JAM3: variants seen among roughly 807,000 people sequenced by gnomAD.
The protein encoded by JAM3 is junctional adhesion molecule C.
JAM3 carries 31 observed loss-of-function variants against 39.4 expected under a neutral mutation model. That is an observed-to-expected ratio of 0.79 (90% CI 0.59 to 1.06). The LOEUF (loss-of-function observed/expected upper bound fraction) is 1.06. JAM3 is among the 50% of genes least tolerant of loss of function. JAM3 has a pLI of 0.00. For synonymous variants in JAM3, 182 were observed against 148.7 expected, an observed-to-expected ratio of 1.22 and a Z score of -1.63; for missense variants, 455 against 391.4, an observed-to-expected ratio of 1.16 and a Z score of -1.37.
chr11:134,091,840 T>TG (rs1489756866), intron 1 of JAM3, among the ~76,000 whole-genome samples: 1 of 149,874 alleles, frequency 6.7e-6, no homozygotes, highest in African/African-American at 2.5e-5. Context: ...GTGTGGGTTT[T>TG]TTTTTTTTTT....
chr11:134,111,470 C>G (rs1420326567), intron 1 of JAM3, among the ~76,000 whole-genome samples: 1 of 152,012 alleles, frequency 6.6e-6, no homozygotes, highest in East Asian at 1.9e-4. Flanking sequence ...CCATTATGCA[C>G]AATCATAAGG....
intron 1 of JAM3, among the ~76,000 whole-genome samples, chr11:134,130,942 G>A (rs951420193): frequency 6.6e-6 from 1 of 152,196 alleles, no homozygotes; most frequent in African/African-American, 2.4e-5. Flanking sequence ...ACCTACAGAC[G>A]CCTGAAGAGA....
chr11:134,085,245 T>G (rs1941729114), intron 1 of JAM3, among the ~76,000 whole-genome samples: 1 of 152,176 alleles, frequency 6.6e-6, no homozygotes, highest in Admixed American at 6.6e-5. Context: ...CAGTGGTCCT[T>G]AAAACTCTGC....
At chr11:134,101,592 T>C (rs943620951) in intron 1 of JAM3, among the ~76,000 whole-genome samples, 3 of 152,230 alleles carry the variant, frequency 2.0e-5, no homozygotes, top group African/African-American at 7.2e-5. Flanking sequence ...AAGTGTCCAC[T>C]AGAAAATAGA....
At chr11:134,086,722 A>G (rs1941751088) in intron 1 of JAM3, among the ~76,000 whole-genome samples, 1 of 152,182 alleles carries the variant, frequency 6.6e-6, no homozygotes, top group African/African-American at 2.4e-5. Context: ...TGCCACGTAA[A>G]TAGATAGGGC....
chr11:134,107,374 C>T (rs1220168406), intron 1 of JAM3, among the ~76,000 whole-genome samples: 2 of 152,084 alleles, frequency 1.3e-5, no homozygotes, highest in African/African-American at 4.8e-5. Flanking sequence ...GGAGATATAC[C>T]TAATGTAAAT....
intron 1 of JAM3, among the ~76,000 whole-genome samples, chr11:134,123,584 G>A (rs993421633): frequency 6.6e-6 from 1 of 152,232 alleles, no homozygotes; most frequent in Non-Finnish European, 1.5e-5. Flanking sequence ...AAAACTAGGA[G>A]CAAAATCATC....
chr11:134,125,552 G>T (rs1411304787), intron 1 of JAM3, among the ~76,000 whole-genome samples: 1 of 152,152 alleles, frequency 6.6e-6, no homozygotes, highest in East Asian at 1.9e-4. Flanking sequence ...CCCAGCTTCT[G>T]GTTTTTACTT....
chr11:134,076,431 G>C (rs1044318252), intron 1 of JAM3, among the ~76,000 whole-genome samples: 1 of 152,048 alleles, frequency 6.6e-6, no homozygotes, highest in African/African-American at 2.4e-5. Flanking sequence ...CTGGATCACA[G>C]GTGTGAGCCA....
At position 134,149,138 on chromosome 11, in the gene JAM3, C is replaced by T. The variant is rs201224599; in HGVS notation, c.898-8C>T. 1.9e-5 allele frequency: 31 copies of T among 1,613,890 alleles called. No individual in the cohort carries two copies. The highest frequency in any genetic ancestry group is 2.6e-5 in the Non-Finnish European group (31 of 1,179,888). On this transcript the variant is annotated splice_polypyrimidine_tract_variant and splice_region_variant and intron_variant, in intron 8 of 8. Transcript: ENST00000299106. Reference sequence around the variant, plus strand: ...CTTGATGGCTCTAACTGTGTGTTGGCTTTGCAGGGCGACTTCAGACACAAG... The same window carrying T: ...CTTGATGGCTCTAACTGTGTGTTGGTTTTGCAGGGCGACTTCAGACACAAG...
At chr11:134,146,181 A>G in intron 6 of JAM3, 136 bp downstream of exon 6, 1 of 717,324 alleles carries the variant, frequency 1.4e-6, no homozygotes, top group East Asian at 2.7e-5. Context: ...TAGGTCCACC[A>G]GAACCCACTG....
At chr11:134,119,835 T>C (rs1055229070) in intron 1 of JAM3, among the ~76,000 whole-genome samples, 5 of 152,236 alleles carry the variant, frequency 3.3e-5, no homozygotes, top group African/African-American at 1.2e-4. Context: ...AATTCCATGA[T>C]ACTTGGTTGG....
chr11:134,149,496 C>T lies in JAM3; in HGVS notation c.*315C>T, dbSNP rs973506321. 18 of 508,710 alleles carry T rather than the reference C, an allele frequency of 3.5e-5. No individual in the cohort carries two copies. The highest frequency in any genetic ancestry group is 2.7e-4 in the South Asian group (15 of 55,396). The allele number at this position is 508,710 out of a possible 1,614,324, so 31.5% of individuals were successfully genotyped here. On this transcript the variant is annotated 3_prime_UTR_variant, in exon 9 of 9. Coordinates refer to ENST00000299106, the MANE Select transcript of JAM3 (RefSeq NM_032801.5). ...AGGGTGATCTTAAAGAGTTTGCTCA[C>T]GTAAACGCCCGTGCTGGGCCCTGTG...
At chr11:134,075,632 C>T (rs916655345) in intron 1 of JAM3, among the ~76,000 whole-genome samples, 2 of 152,056 alleles carry the variant, frequency 1.3e-5, no homozygotes, top group Non-Finnish European at 2.9e-5. Flanking sequence ...TTACTATGTT[C>T]CCCAGTCTGA....
chr11:134,080,599 T>G (rs868445475), intron 1 of JAM3, among the ~76,000 whole-genome samples: 20 of 152,162 alleles, frequency 1.3e-4, no homozygotes, highest in African/African-American at 4.8e-4. Context: ...AGACATGCCT[T>G]TTACCTTCTG....
chr11:134,126,521 A>G (rs1017848898), intron 1 of JAM3: 27 of 152,234 alleles, frequency 1.8e-4, no homozygotes, highest in African/African-American at 6.3e-4. Context: ...CCACATTTCT[A>G]CATGCTTTAA....
Position 134,139,892 on chromosome 11 carries a change from A to G in JAM3, c.118A>G (p.Thr40Ala). 1 of 1,613,924 alleles carries G rather than the reference A, an allele frequency of 6.2e-7. No individual in the cohort carries two copies. The highest frequency in any genetic ancestry group is 1.1e-5 in the South Asian group (1 of 91,082). Residue 40 changes from threonine (T) to alanine (A), a missense_variant, in exon 2 of 9, where the codon ACC becomes GCC. Coordinates refer to ENST00000299106, the MANE Select transcript of JAM3 (RefSeq NM_032801.5). Reference sequence around the variant, plus strand: ...TGTAAATCTCAAATCCAGCAATCGAACCCCAGTGGTACAGGAATTTGAAAG... The same window carrying G: ...TGTAAATCTCAAATCCAGCAATCGAGCCCCAGTGGTACAGGAATTTGAAAG... ...GAVNLKSSNR[T>A]PVVQEFESVE...
chr11:134,082,966 T>C (rs1941691039), intron 1 of JAM3, among the ~76,000 whole-genome samples: 1 of 152,218 alleles, frequency 6.6e-6, no homozygotes, highest in Admixed American at 6.5e-5. Flanking sequence ...TTATTTATTC[T>C]TTTCATGAAG....
rs71038561 is a variant in JAM3, at chr11:134,111,133, CTTTTTTTTT to C, written c.77-28698_77-28690del. On this transcript the variant is annotated intron_variant, in intron 1 of 8. Coordinates refer to ENST00000299106, the MANE Select transcript of JAM3 (RefSeq NM_032801.5). The stretch of plus-strand genomic sequence containing the variant: ...TGTACCATACCCAACACACATCCAT[CTTTTTTTTT>C]TTTTTTTTTTTTTTTTTTTGAGATG... Among the ~76,000 whole-genome samples, 229 of 86,760 alleles carry C rather than the reference CTTTTTTTTT, an allele frequency of 2.6e-3. 4 individuals are homozygous for C. Among genetic ancestry groups the C allele is most frequent in the East Asian group, 7.7e-3 (25 of 3,254 alleles). 56.9% of individuals were successfully genotyped at this position (86,760 alleles called of 152,430 possible).
Sources: allele counts gnomAD v4.1 joint callset (sites outside exome capture counted in the v4.1 genomes callset), GRCh38; gene constraint gnomAD v4.1.1; transcripts MANE v1.5; gene names NCBI Gene and HGNC (gene_info 2026-07-23, HGNC 2026-07-21).